Variants in CTNNA3 observed in about 807,000 individuals in gnomAD.
CTNNA3 encodes the protein catenin alpha-3.
Under a neutral mutation model 95.7 loss-of-function variants are expected in CTNNA3, and 76 were observed. That is an observed-to-expected ratio of 0.79 (90% CI 0.66 to 0.96). The LOEUF is 0.96. CTNNA3 is among the 40% of genes least tolerant of loss of function. The probability of loss-of-function intolerance (pLI) is 0.00; values close to 1 mark genes in which losing one functional copy is unlikely to be tolerated. For missense variants in CTNNA3, 1,191 were observed against 1,089.8 expected (o/e 1.09, Z -1.31); for synonymous variants, 431 against 374.4 (o/e 1.15, Z -1.74).
At chr10:67,277,396 A>C (rs1839220749) in intron 5 of CTNNA3, among the ~76,000 whole-genome samples, 1 of 152,184 alleles carries the variant, frequency 6.6e-6, no homozygotes, top group South Asian at 2.1e-4. Flanking sequence ...GGATAATGAT[A>C]ACCTAGAGGA....
chr10:66,845,729 A>ATAAATAAATAAATAC (rs1297933220), intron 7 of CTNNA3, among the ~76,000 whole-genome samples: 1 of 87,766 alleles, frequency 1.1e-5, no homozygotes, highest in African/African-American at 3.7e-5. Flanking sequence ...AAAAAAAAAA[A>ATAAATAAATAAATAC]CTAAAAAGGT....
chr10:66,616,331 A>G (rs1157174325), intron 10 of CTNNA3, among the ~76,000 whole-genome samples: 2 of 152,076 alleles, frequency 1.3e-5, no homozygotes, highest in Non-Finnish European at 2.9e-5. Flanking sequence ...TAGCTCTGTT[A>G]AAAAACTCTT....
intron 1 of CTNNA3, among the ~76,000 whole-genome samples, chr10:67,710,873 T>A (rs1841103371): frequency 1.3e-5 from 2 of 152,204 alleles, no homozygotes; most frequent in Non-Finnish European, 2.9e-5. Flanking sequence ...TAGTGGACCT[T>A]GATATAGTTT....
Position 66,621,757 on chromosome 10 carries a change from T to C in CTNNA3, c.1309A>G (p.Thr437Ala), listed in dbSNP as rs746246837. 1.9e-6 allele frequency: 3 copies of C among 1,611,088 alleles called. 1 individual carries two copies. The South Asian group carries it at 3.3e-5, about 18-fold the overall frequency. ...EVANLACSMS[T>A]NEDGIKIVKI... ...ACAATTTTAATTCCATCTTCATTTG[T>C]TGACATGGAACAAGCAAGATTTGCC... The change falls in exon 10 of 18, where the codon ACA (threonine) becomes GCA (alanine). Residue 437 changes from threonine (T) to alanine (A), a missense_variant. Coordinates refer to ENST00000433211, the MANE Select transcript of CTNNA3 (RefSeq NM_013266.4).
chr10:65,993,565 T>C (rs900832575), intron 15 of CTNNA3, among the ~76,000 whole-genome samples: 3 of 152,236 alleles, frequency 2.0e-5, no homozygotes, highest in Non-Finnish European at 2.9e-5. Context: ...GTAGAGATAC[T>C]TATGCTCACT....
At chr10:66,310,894 A>G (rs193057467) in intron 12 of CTNNA3, among the ~76,000 whole-genome samples, 211 of 152,176 alleles carry the variant, frequency 1.4e-3, no homozygotes, top group African/African-American at 5.0e-3. Flanking sequence ...CATGTTAGCC[A>G]GCCAGGATGG....
intron 6 of CTNNA3, among the ~76,000 whole-genome samples, chr10:67,204,452 C>T (rs1006608782): frequency 1.3e-5 from 2 of 152,148 alleles, no homozygotes; most frequent in African/African-American, 4.8e-5. Context: ...TTGAAAGTTT[C>T]CTGAGGCTGC....
intron 5 of CTNNA3, among the ~76,000 whole-genome samples, chr10:67,506,937 T>C (rs1564700933): frequency 6.6e-6 from 1 of 152,162 alleles, no homozygotes; most frequent in Non-Finnish European, 1.5e-5. Context: ...AGAGCTAAAG[T>C]ATGACATTTT....
intron 12 of CTNNA3, among the ~76,000 whole-genome samples, chr10:66,363,102 A>C (rs1469903140): frequency 6.6e-6 from 1 of 152,234 alleles, no homozygotes; most frequent in Non-Finnish European, 1.5e-5. Flanking sequence ...CTTCAACAAC[A>C]GAATGAAGCT....
intron 13 of CTNNA3, among the ~76,000 whole-genome samples, chr10:66,239,967 T>A (rs887796628): frequency 1.3e-5 from 2 of 152,020 alleles, no homozygotes; most frequent in Non-Finnish European, 2.9e-5. Flanking sequence ...TAGATGGATC[T>A]ACATGGTATA....
At chr10:66,434,714 G>C (rs778407370) in intron 11 of CTNNA3, among the ~76,000 whole-genome samples, 3 of 152,020 alleles carry the variant, frequency 2.0e-5, no homozygotes, top group Non-Finnish European at 4.4e-5. Flanking sequence ...GGGCATCCTT[G>C]CCTGTGCTGG....
chr10:67,426,253 A>G (rs2132882045), intron 5 of CTNNA3, among the ~76,000 whole-genome samples: 1 of 152,200 alleles, frequency 6.6e-6, no homozygotes, highest in South Asian at 2.1e-4. Context: ...ACACTTTTGA[A>G]GCAAAGAAAT....
intron 5 of CTNNA3, among the ~76,000 whole-genome samples, chr10:67,391,987 A>G (rs1844512141): frequency 6.6e-6 from 1 of 151,728 alleles, no homozygotes; most frequent in South Asian, 2.1e-4. Flanking sequence ...TTCAGGACAT[A>G]GGCATGGGCA....
chr10:67,003,501 T>C (rs1367433837), intron 7 of CTNNA3, among the ~76,000 whole-genome samples: 1 of 152,232 alleles, frequency 6.6e-6, no homozygotes, highest in East Asian at 1.9e-4. Flanking sequence ...CTTTGCATAC[T>C]ATATTCCCAA....
intron 1 of CTNNA3, among the ~76,000 whole-genome samples, chr10:67,749,964 C>T (rs1188946079): frequency 1.3e-5 from 2 of 152,170 alleles, no homozygotes; most frequent in African/African-American, 2.4e-5. Context: ...TTTGTTCTTT[C>T]ACTCTTCACA....
At chr10:67,565,995 T>A (rs1303243667) in intron 3 of CTNNA3, among the ~76,000 whole-genome samples, 1 of 105,602 alleles carries the variant, frequency 9.5e-6, no homozygotes, top group Non-Finnish European at 1.9e-5. Context: ...TATATATATA[T>A]TATATATATA....
chr10:66,272,988 T>C (rs2091314273), intron 13 of CTNNA3, among the ~76,000 whole-genome samples: 1 of 152,228 alleles, frequency 6.6e-6, no homozygotes, highest in South Asian at 2.1e-4. Flanking sequence ...CTGTGACTTT[T>C]GAGTCTGAAG....
intron 12 of CTNNA3, among the ~76,000 whole-genome samples, chr10:66,360,773 C>CT (rs2092660546): frequency 2.3e-5 from 1 of 43,990 alleles, no homozygotes; most frequent in East Asian, 4.8e-4. Flanking sequence ...CCTTCCTTTT[C>CT]TTTCTTTCTT....
At chr10:66,588,586 G>T (rs529769279) in intron 10 of CTNNA3, among the ~76,000 whole-genome samples, 39 of 152,212 alleles carry the variant, frequency 2.6e-4, no homozygotes, top group Non-Finnish European at 4.4e-4. Flanking sequence ...CTGTTAGTCT[G>T]ATAGGTTTTC....
Sources: allele counts gnomAD v4.1 joint callset (sites outside exome capture counted in the v4.1 genomes callset), GRCh38; gene constraint gnomAD v4.1.1; transcripts MANE v1.5; gene names NCBI Gene and HGNC (gene_info 2026-07-23, HGNC 2026-07-21).